IAH1: variants seen among roughly 807,000 people sequenced by gnomAD.
IAH1 encodes the protein isoamyl acetate hydrolyzing esterase 1 (putative), also known as isoamyl acetate-hydrolyzing esterase 1 homolog.
Under a neutral mutation model 26.7 loss-of-function variants are expected in IAH1, and 24 were observed. The observed-to-expected ratio is 0.90, with a 90% CI of 0.65 to 1.26. The LOEUF (loss-of-function observed/expected upper bound fraction) is 1.26, where lower values mean the gene tolerates loss of function less well. Ranked by LOEUF, IAH1 falls within the 50% of genes most tolerant of loss-of-function variation. The pLI, the probability that IAH1 is intolerant of heterozygous loss-of-function variation, is 0.00. For synonymous variants in IAH1, 140 were observed against 118.5 expected (o/e 1.18, Z -1.18); for missense variants, 300 against 299.9 (o/e 1.00, Z 0.00).
Position 9,479,795 on chromosome 2 carries a change from C to CTTTTTTTTTTTT in IAH1, c.283+1449_284-1456dup, listed in dbSNP as rs5829216. Among the ~76,000 whole-genome samples, 18 of 69,872 alleles carry CTTTTTTTTTTTT rather than the reference C, an allele frequency of 2.6e-4. 3 individuals carry two copies. Among genetic ancestry groups the CTTTTTTTTTTTT allele is most frequent in the African/African-American group, 3.7e-4 (7 of 18,862 alleles). The allele number at this position is 69,872 out of a possible 152,430, so 45.8% of individuals were successfully genotyped here. A position where few individuals can be genotyped will look rare whatever the true frequency, so the allele number is the denominator to read the frequency against. ...TGTGTGCGGAGATTTCTGTGTATTG[C>CTTTTTTTTTTTT]TTTTTTTTTTTTTTTTTTTTTTTTT... is the stretch of plus-strand genomic sequence containing the variant. On this transcript the variant is annotated intron_variant, in intron 3 of 5. Coordinates refer to ENST00000497473, the MANE Select transcript of IAH1 (RefSeq NM_001039613.3).
the IAH1 span, among the ~76,000 whole-genome samples, chr2:9,507,166 T>G: frequency 6.6e-6 from 1 of 152,132 alleles, no homozygotes; most frequent in Non-Finnish European, 1.5e-5. Flanking sequence ...GCCCTTTTCA[T>G]CAGTTAAAAA....
intron 4 of IAH1, among the ~76,000 whole-genome samples, chr2:9,483,362 G>A (rs1661294305): frequency 6.6e-6 from 1 of 152,148 alleles, no homozygotes; most frequent in Non-Finnish European, 1.5e-5. Context: ...TCTTGCCTCA[G>A]CCTCCCAAGT....
chr2:9,475,416 C>A (rs962306514), intron 1 of IAH1, among the ~76,000 whole-genome samples: 1 of 152,094 alleles, frequency 6.6e-6, no homozygotes, highest in Non-Finnish European at 1.5e-5. Context: ...ACCAGCAAAG[C>A]AGTGAGGCGG....
downstream of IAH1, chr2:9,497,358 CAA>C: frequency 1.4e-6 from 2 of 1,392,016 alleles, no homozygotes; most frequent in Non-Finnish European, 2.0e-6. Context: ...CTTGCAAAAG[CAA>C]AAAGTGACCT....
chr2:9,511,074 C>T, the IAH1 span, among the ~76,000 whole-genome samples: 1 of 152,186 alleles, frequency 6.6e-6, no homozygotes, highest in African/African-American at 2.4e-5. Context: ...GTCCAGCCTC[C>T]TCACATGCCC....
At chr2:9,492,802 T>C (rs1315264727), downstream of IAH1, 4 of 1,052,284 alleles carry the variant, frequency 3.8e-6, no homozygotes, top group Non-Finnish European at 5.3e-6. Flanking sequence ...GGCCAAACTT[T>C]GCTAAGAACA....
chr2:9,475,089 C>T lies in IAH1; in HGVS notation c.81+442C>T, dbSNP rs1000267267. ...AGGAGCTCTCTCGCCCCATTCCCTG[C>T]GGGCACAGGTGGGGCCGTTAGGGGT... is the stretch of plus-strand genomic sequence containing the variant. On this transcript the variant is annotated intron_variant, in intron 1 of 5. Coordinates refer to ENST00000497473, the MANE Select transcript of IAH1 (RefSeq NM_001039613.3). 6 of 1,238,834 alleles carry T rather than the reference C, an allele frequency of 4.8e-6. No individual in the cohort carries two copies. In the African/African-American group the frequency reaches 7.7e-5, roughly 16 times the overall value. The allele number at this position is 1,238,834 out of a possible 1,614,324, so 76.7% of individuals were successfully genotyped here. A position where few individuals can be genotyped will look rare whatever the true frequency, so the allele number is the denominator to read the frequency against.
intron 3 of IAH1, among the ~76,000 whole-genome samples, chr2:9,478,752 C>T (rs371858362): frequency 2.7e-4 from 41 of 152,268 alleles, no homozygotes; most frequent in African/African-American, 9.1e-4. Flanking sequence ...GTCAGGGCAG[C>T]AGCCACCCTG....
intron 4 of IAH1, among the ~76,000 whole-genome samples, chr2:9,481,765 G>C (rs533094865): frequency 6.8e-6 from 1 of 147,068 alleles, no homozygotes; most frequent in East Asian, 2.0e-4. Flanking sequence ...TGTGGTGCTC[G>C]GCCTGCGGGG....
chr2:9,505,365 T>A, the IAH1 span: 1 of 1,613,668 alleles, frequency 6.2e-7, no homozygotes, highest in Non-Finnish European at 8.5e-7. Flanking sequence ...TTTGAAAACA[T>A]CTTGAGAGAA....
In IAH1 at chr2:9,484,412, CTA is replaced by C; in HGVS notation, c.446-18_446-17del. On this transcript the variant is annotated intron_variant, in intron 4 of 5. Transcript: ENST00000497473. ...CACTTGGGTTTACCAACTGCCACCTCTATTTCTTCTCTTCAATAGGTTGCAAA... is the reference window on the plus strand; with the variant it reads ...CACTTGGGTTTACCAACTGCCACCTCTTTCTTCTCTTCAATAGGTTGCAAA... 6.3e-7 allele frequency: 1 copy of C among 1,590,782 alleles called. No homozygotes were observed. The highest frequency in any genetic ancestry group is 8.6e-7 in the Non-Finnish European group (1 of 1,158,770).
chr2:9,482,181 A>G (rs1256235842), intron 4 of IAH1, among the ~76,000 whole-genome samples: 1 of 151,906 alleles, frequency 6.6e-6, no homozygotes, highest in Non-Finnish European at 1.5e-5. Flanking sequence ...GGTGTGCACC[A>G]CCACGCCCGG....
At chr2:9,506,479 G>GA in the IAH1 span, among the ~76,000 whole-genome samples, 1 of 144,922 alleles carries the variant, frequency 6.9e-6, no homozygotes, top group Non-Finnish European at 1.5e-5. Flanking sequence ...TGATTCTTCT[G>GA]CCTCAGCCTC....
At position 9,488,381 on chromosome 2, in the gene IAH1, C is replaced by G; in HGVS notation, c.*52C>G. 1 of 1,428,460 alleles carries G rather than the reference C, an allele frequency of 7.0e-7. No individual in the cohort carries two copies. The highest frequency in any genetic ancestry group is 9.5e-7 in the Non-Finnish European group (1 of 1,055,706). The allele number at this position is 1,428,460 out of a possible 1,614,324, so 88.5% of individuals were successfully genotyped here. A position where few individuals can be genotyped will look rare whatever the true frequency, so the allele number is the denominator to read the frequency against. On this transcript the variant is annotated 3_prime_UTR_variant, in exon 6 of 6. Transcript: ENST00000497473. Reference sequence around the variant, plus strand: ...TGTTATCTACAGAACTCAAAGTTGTCAATACGTAGAGGTACGCTTTTTTCC... The same window carrying G: ...TGTTATCTACAGAACTCAAAGTTGTGAATACGTAGAGGTACGCTTTTTTCC...
chr2:9,490,309 G>C (rs1243964982), downstream of IAH1: 1 of 1,614,188 alleles, frequency 6.2e-7, no homozygotes, highest in Admixed American at 1.7e-5. Context: ...TATTTGGGAA[G>C]GGGTCCTTCT....
rs200935286 is a variant in IAH1 at position 9,481,449 on chromosome 2, T to C, written c.445+2T>C. 7.4e-6 allele frequency: 12 copies of C among 1,614,004 alleles called. No individual in the cohort carries two copies. The African/African-American group carries it at 1.3e-4, about 18-fold the overall frequency. ...GGGAAGAACAGTGCATCATACAAGG[T>C]AAACAAACCACAGCCAATCTCGGCA... On this transcript the variant is annotated splice_donor_variant, in intron 4 of 5. Transcript: ENST00000497473. LOFTEE classifies it high-confidence loss of function.
rs750812330 is a variant in IAH1, at chr2:9,478,265, AG to A, written c.180del (p.Arg60SerfsTer10). The A allele has an allele frequency of 4.3e-6, 7 of 1,612,954 alleles. No individual in the cohort carries two copies. In the African/African-American group the frequency reaches 9.3e-5, roughly 22 times the overall value. On this transcript the variant is annotated frameshift_variant, in exon 3 of 6. Transcript: ENST00000497473. LOFTEE classifies it high-confidence loss of function. The stretch of plus-strand genomic sequence containing the variant: ...TCGTGGATTTTCAGGTTACAATACC[AG>A]GTGGGCCAAAATTATCCTTCCAAGA... ...LNRGFSGYNTRWAKIILPRLI... is the reference protein window; with the variant it reads ...LNRGFSGYNTXWAKIILPRLI...
At chr2:9,497,539 T>A (rs1488175572), downstream of IAH1, among the ~76,000 whole-genome samples, 1 of 152,224 alleles carries the variant, frequency 6.6e-6, no homozygotes. Flanking sequence ...ATATCCTATG[T>A]GCTATTACTT....
intron 4 of IAH1, among the ~76,000 whole-genome samples, chr2:9,483,527 A>G (rs1661302296): frequency 6.6e-6 from 1 of 152,200 alleles, no homozygotes; most frequent in Non-Finnish European, 1.5e-5. Flanking sequence ...TGTGATGTAG[A>G]GCCTGGGCCA....
Sources: allele counts gnomAD v4.1 joint callset (sites outside exome capture counted in the v4.1 genomes callset), GRCh38; gene constraint gnomAD v4.1.1; transcripts MANE v1.5; gene names NCBI Gene and HGNC (gene_info 2026-07-23, HGNC 2026-07-21).